PPFIA2: variants seen among roughly 807,000 people sequenced by gnomAD.
The protein encoded by PPFIA2 is liprin-alpha-2.
A neutral mutation model predicts 175.5 loss-of-function variants in PPFIA2; 46 were observed. The ratio of observed to expected loss-of-function variants is 0.26; its 90% confidence interval spans 0.21 to 0.34. PPFIA2 has a LOEUF of 0.34. Among genes scored for constraint, PPFIA2 ranks in the 10% least tolerant of loss-of-function variants. The pLI is 1.00. For missense variants in PPFIA2, 1,179 were observed against 1,506.1 expected, an observed-to-expected ratio of 0.78 and a Z score of 3.60; for synonymous variants, 568 against 511.4, an observed-to-expected ratio of 1.11 and a Z score of -1.49.
In PPFIA2 at chr12:81,755,134, C is replaced by T. The variant is rs115323896; in HGVS notation, c.-2-911G>A. The stretch of plus-strand genomic sequence containing the variant: ...TAATGTAGTAACTTCACATCTCAAC[C>T]GCCAATCACAAGTTCTCAGTCATGA... On this transcript the variant is annotated intron_variant, in intron 2 of 32. Transcript: ENST00000549396. 2.4e-3 allele frequency among the ~76,000 whole-genome samples: 371 copies of T among 152,206 alleles called. 2 individuals are homozygous for T. Among genetic ancestry groups the T allele is most frequent in the African/African-American group, 8.1e-3 (336 of 41,538 alleles).
chr12:81,750,990 A>C (rs1199063870), intron 3 of PPFIA2, among the ~76,000 whole-genome samples: 1 of 152,164 alleles, frequency 6.6e-6, no homozygotes, highest in Non-Finnish European at 1.5e-5. Flanking sequence ...CTAAATGTCA[A>C]GTGCAATGCC....
chr12:81,414,463 T>C (rs1397428176), intron 7 of PPFIA2, among the ~76,000 whole-genome samples: 1 of 151,736 alleles, frequency 6.6e-6, no homozygotes, highest in Non-Finnish European at 1.5e-5. Flanking sequence ...AAAAATTAAC[T>C]ACTTTTTAAA....
intron 8 of PPFIA2, among the ~76,000 whole-genome samples, chr12:81,388,536 G>A (rs1367415444): frequency 6.6e-6 from 1 of 151,968 alleles, no homozygotes; most frequent in Non-Finnish European, 1.5e-5. Flanking sequence ...GGGCATGAGA[G>A]CACTTCTAAG....
At chr12:81,656,122 CTTTA>C (rs377073196) in intron 4 of PPFIA2, among the ~76,000 whole-genome samples, 112 of 151,954 alleles carry the variant, frequency 7.4e-4, no homozygotes, top group Non-Finnish European at 1.3e-3. Flanking sequence ...TAGTTTCAAC[CTTTA>C]TTTAATTATC....
intron 3 of PPFIA2, among the ~76,000 whole-genome samples, chr12:81,748,272 A>G (rs1435348439): frequency 6.9e-6 from 1 of 144,742 alleles, no homozygotes; most frequent in African/African-American, 2.4e-5. Context: ...TCTAACATGA[A>G]AATGACCAAA....
At chr12:81,625,897 T>C (rs947661143) in intron 4 of PPFIA2, among the ~76,000 whole-genome samples, 2 of 148,996 alleles carry the variant, frequency 1.3e-5, no homozygotes. Flanking sequence ...TAAGATATAG[T>C]ATATAGCCTT....
intron 4 of PPFIA2, chr12:81,471,348 A>T (rs970615343): frequency 1.3e-5 from 2 of 151,490 alleles, no homozygotes; most frequent in Non-Finnish European, 2.9e-5. Context: ...TATTTTGGTA[A>T]AAAAGAGATC....
chr12:81,480,543 G>T (rs1226288739), intron 4 of PPFIA2, among the ~76,000 whole-genome samples: 1 of 152,156 alleles, frequency 6.6e-6, no homozygotes, highest in Admixed American at 6.6e-5. Context: ...CATCTTCGTG[G>T]ATTTATCTAC....
In PPFIA2 at chr12:81,539,560, C is replaced by T. The variant is rs192838546; in HGVS notation, c.304-81694G>A. 1.8e-3 allele frequency among the ~76,000 whole-genome samples: 271 copies of T among 152,032 alleles called. 5 individuals carry two copies. The highest frequency in any genetic ancestry group is 0.017 in the Admixed American group (266 of 15,232). ...ACCTCTTACCCCACCCATGCCATAA[C>T]GAATCAGTGGGGCCCAGCAATTTGT... On this transcript the variant is annotated intron_variant, in intron 4 of 32. Coordinates refer to ENST00000549396, the MANE Select transcript of PPFIA2 (RefSeq NM_003625.5).
chr12:81,569,492 T>C (rs2072059738), intron 4 of PPFIA2, among the ~76,000 whole-genome samples: 1 of 152,206 alleles, frequency 6.6e-6, no homozygotes, highest in African/African-American at 2.4e-5. Context: ...CTGAATCCTA[T>C]GGTTCAGAGA....
rs2060315350 is a variant in PPFIA2, at chr12:81,353,162, T to C, written c.1951A>G (p.Met651Val). 1.2e-6 allele frequency: 2 copies of C among 1,613,766 alleles called. No individual in the cohort carries two copies. The highest frequency in any genetic ancestry group is 1.7e-6 in the Non-Finnish European group (2 of 1,179,828). Residue 651 changes from methionine to valine, a missense_variant, in exon 17 of 33, where the codon ATG becomes GTG. Transcript: ENST00000549396. ...GCATCCAATTGTTCCTGAAGCATCA[T>C]GGCTAGCGTCTGGGCATCGGAATGA... is the stretch of plus-strand genomic sequence containing the variant. ...SGHSDAQTLA[M>V]MLQEQLDAIN...
At chr12:81,574,342 T>C (rs985722917) in intron 4 of PPFIA2, among the ~76,000 whole-genome samples, 31 of 151,830 alleles carry the variant, frequency 2.0e-4, no homozygotes, top group African/African-American at 7.0e-4. Flanking sequence ...TATACTTGAG[T>C]ACTAAAATTA....
intron 4 of PPFIA2, among the ~76,000 whole-genome samples, chr12:81,587,003 T>A (rs1156395390): frequency 6.6e-6 from 1 of 152,036 alleles, no homozygotes; most frequent in Admixed American, 6.6e-5. Context: ...AATAACCTTA[T>A]GACCTAAATA....
chr12:81,667,264 C>T (rs2153558718), intron 4 of PPFIA2, among the ~76,000 whole-genome samples: 1 of 152,202 alleles, frequency 6.6e-6, no homozygotes, highest in South Asian at 2.1e-4. Flanking sequence ...CCTATTTTAT[C>T]ACTTTGTTGA....
chr12:81,419,008 C>T (rs1025769893), intron 7 of PPFIA2, among the ~76,000 whole-genome samples: 1 of 151,856 alleles, frequency 6.6e-6, no homozygotes, highest in Non-Finnish European at 1.5e-5. Flanking sequence ...TCAATATTCT[C>T]CTTCTATAGA....
chr12:81,392,220 C>T (rs1037631550), intron 8 of PPFIA2, among the ~76,000 whole-genome samples: 4 of 151,820 alleles, frequency 2.6e-5, no homozygotes, highest in Non-Finnish European at 4.4e-5. Flanking sequence ...AAAGCATAGA[C>T]TCAAGGATGA....
intron 4 of PPFIA2, among the ~76,000 whole-genome samples, chr12:81,615,785 G>A (rs1290463360): frequency 1.3e-5 from 2 of 152,054 alleles, no homozygotes; most frequent in Non-Finnish European, 2.9e-5. Flanking sequence ...TTGTTTCAAA[G>A]GGAAGCAAAG....
intron 4 of PPFIA2, among the ~76,000 whole-genome samples, chr12:81,528,798 G>C (rs1402429578): frequency 1.3e-5 from 2 of 151,956 alleles, no homozygotes; most frequent in Non-Finnish European, 2.9e-5. Context: ...TGGGACTGCA[G>C]TGCTCACCCA....
At chr12:81,557,320 T>C (rs760287902) in intron 4 of PPFIA2, among the ~76,000 whole-genome samples, 18 of 151,944 alleles carry the variant, frequency 1.2e-4, no homozygotes, top group Admixed American at 1.2e-3. Context: ...GACTGAACTC[T>C]GTGGGTGGAG....
Sources: gnomAD v4.1 joint callset for allele counts (sites outside exome capture counted in the v4.1 genomes callset) on GRCh38, gnomAD v4.1.1 for gene constraint, MANE v1.5 for transcripts, NCBI Gene and HGNC (gene_info 2026-07-23, HGNC 2026-07-21) for gene names.